CDK1: variants seen among roughly 807,000 people sequenced by gnomAD.
CDK1 encodes the protein cyclin dependent kinase 1.
A neutral mutation model predicts 34.6 loss-of-function variants in CDK1; 5 were observed. The ratio of observed to expected loss-of-function variants is 0.14; its 90% CI spans 0.08 to 0.30. CDK1 has a LOEUF of 0.30. CDK1 is among the 10% of genes least tolerant of loss of function. The pLI, the probability that CDK1 is intolerant of heterozygous loss-of-function variation, is 1.00. For synonymous variants in CDK1, 108 were observed against 114.7 expected (o/e 0.94, Z 0.37); for missense variants, 157 against 345.7 (o/e 0.45, Z 4.33).
At chr10:60,780,246 A>G (rs1225060389) in intron 2 of CDK1, 44 bp downstream of exon 2, 4 of 969,268 alleles carry the variant, frequency 4.1e-6, no homozygotes, top group South Asian at 1.3e-5. Context: ...TGATTTAACA[A>G]TGCTACAACT....
At chr10:60,786,503 T>C (rs1204142936) in intron 4 of CDK1, 1 of 322,056 alleles carries the variant, frequency 3.1e-6, no homozygotes. Flanking sequence ...AACTTGGTTA[T>C]TGTTGCTCTT....
chr10:60,790,083 T>G lies in CDK1; in HGVS notation c.490-1807T>G, dbSNP rs978249349. 3.9e-4 allele frequency among the ~76,000 whole-genome samples: 60 copies of G among 152,200 alleles called. 1 individual carries two copies. Among genetic ancestry groups the G allele is most frequent in the Non-Finnish European group, 1.5e-4 (10 of 68,032 alleles). On this transcript the variant is annotated intron_variant, in intron 5 of 7. Transcript: ENST00000395284. ...CAGATTGTTTGACCATTTTTAAAAT[T>G]GGATTCTTACTATTTTTTTTATTCT...
chr10:60,792,248 C>A lies in CDK1; in HGVS notation c.754C>A (p.His252Asn). ...ATGGAAACCAGGAAGCCTAGCATCC[C>A]ATGTCAAAAACTTGGATGAAAATGG... ...PKWKPGSLAS[H>N]VKNLDENGLD... The change falls in exon 7 of 8, where the codon CAT (histidine) becomes AAT (asparagine). Residue 252 changes from histidine (H) to asparagine (N), a missense_variant. His to Asn is a moderately conservative substitution (Grantham distance 68). Transcript: ENST00000395284. The A allele has an allele frequency of 6.2e-7, 1 of 1,611,772 alleles. No individual in the cohort carries two copies.
intron 2 of CDK1, among the ~76,000 whole-genome samples, chr10:60,781,509 A>G (rs3213034): frequency 2.0e-5 from 3 of 152,186 alleles, no homozygotes; most frequent in Admixed American, 2.0e-4. Context: ...ATTGAACAAT[A>G]TTATGGAAAG....
At chr10:60,788,956 C>G (rs1275886444) in intron 5 of CDK1, among the ~76,000 whole-genome samples, 2 of 151,948 alleles carry the variant, frequency 1.3e-5, no homozygotes, top group Non-Finnish European at 2.9e-5. Flanking sequence ...ATTTTGTTTT[C>G]TTTGTCTTAA....
intron 5 of CDK1, among the ~76,000 whole-genome samples, chr10:60,788,707 A>T (rs2080335308): frequency 1.3e-5 from 2 of 152,056 alleles, no homozygotes; most frequent in Admixed American, 1.3e-4. Flanking sequence ...AGGAATTGCT[A>T]ACTATAATTT....
chr10:60,780,781 A>G (rs2132061527), intron 2 of CDK1, among the ~76,000 whole-genome samples: 1 of 152,224 alleles, frequency 6.6e-6, no homozygotes, highest in East Asian at 1.9e-4. Context: ...AGATCTATAT[A>G]TGGCACAAAT....
chr10:60,779,214 A>G (rs915860606), intron 1 of CDK1, among the ~76,000 whole-genome samples: 3 of 152,050 alleles, frequency 2.0e-5, no homozygotes, highest in Non-Finnish European at 4.4e-5. Flanking sequence ...TTCTGGATTG[A>G]TTTTTCTTTG....
chr10:60,791,771 A>G (rs1460130020), intron 5 of CDK1, 119 bp from the exon 6 acceptor site: 3 of 542,860 alleles, frequency 5.5e-6, no homozygotes, highest in Non-Finnish European at 9.7e-6. Context: ...GACTTAAACA[A>G]TATTATTGGT....
chr10:60,778,516 A>T lies in CDK1; in HGVS notation c.-80A>T, dbSNP rs939160568. 2 of 152,482 alleles carry T rather than the reference A, an allele frequency of 1.3e-5. No homozygotes were observed. Among genetic ancestry groups the T allele is most frequent in the Non-Finnish European group, 2.9e-5 (2 of 68,256 alleles). The allele number at this position is 152,482 out of a possible 1,614,324, so 9.4% of individuals were successfully genotyped here. ...AAGCTGGCTCTTGGAAATTGAGCGG[A>T]GAGCGACGCGGTTGTTGTAGCTGCC... On this transcript the variant is annotated 5_prime_UTR_variant, in exon 1 of 8. Transcript: ENST00000395284.
At chr10:60,793,317 T>C (rs2080374212) in intron 7 of CDK1, among the ~76,000 whole-genome samples, 1 of 152,134 alleles carries the variant, frequency 6.6e-6, no homozygotes, top group Non-Finnish European at 1.5e-5. Flanking sequence ...TTAGTATTTC[T>C]TAAAGATCAA....
intron 3 of CDK1, among the ~76,000 whole-genome samples, chr10:60,785,414 C>T (rs1044312994): frequency 1.3e-5 from 2 of 152,094 alleles, no homozygotes; most frequent in African/African-American, 4.8e-5. Flanking sequence ...CAATTAGTAG[C>T]CAACCTAGAT....
chr10:60,788,352 T>C, intron 5 of CDK1, 122 bp downstream of exon 5: 2 of 622,904 alleles, frequency 3.2e-6, no homozygotes, highest in East Asian at 6.2e-5. Flanking sequence ...AGTATCAATT[T>C]ATTGCCTCTC....
chr10:60,780,111 G>A (rs1221578945), intron 1 of CDK1, 30 bp from the exon 2 acceptor site: 2 of 1,049,150 alleles, frequency 1.9e-6, no homozygotes, highest in Non-Finnish European at 3.0e-6. Flanking sequence ...TTAGTGGCAT[G>A]TAATTAAGTC....
intron 5 of CDK1, among the ~76,000 whole-genome samples, chr10:60,791,431 G>T (rs1327448594): frequency 6.6e-6 from 1 of 152,036 alleles, no homozygotes; most frequent in African/African-American, 2.4e-5. Context: ...CTATATATAA[G>T]ATCATCTCTG....
chr10:60,790,357 C>T (rs2132073871), intron 5 of CDK1, among the ~76,000 whole-genome samples: 1 of 152,256 alleles, frequency 6.6e-6, no homozygotes, highest in Non-Finnish European at 1.5e-5. Flanking sequence ...GATCCTTCCA[C>T]GTCAGCCTCC....
intron 4 of CDK1, chr10:60,786,930 A>G (rs770932351): frequency 2.0e-6 from 2 of 983,816 alleles, no homozygotes; most frequent in Non-Finnish European, 2.4e-6. Flanking sequence ...GATCGAATGT[A>G]TTAGAATAAT....
At chr10:60,780,072 T>C (rs778744642) in intron 1 of CDK1, 69 bp from the exon 2 acceptor site, 1 of 756,600 alleles carries the variant, frequency 1.3e-6, no homozygotes, top group Non-Finnish European at 2.4e-6. Flanking sequence ...TTACATATAG[T>C]GTTTCATTAA....
chr10:60,792,411 CA>C, intron 7 of CDK1, 122 bp downstream of exon 7: 1 of 815,928 alleles, frequency 1.2e-6, no homozygotes, highest in Non-Finnish European at 1.9e-6. Context: ...CTGTTATGTA[CA>C]TTGTATTATA....
Sources: allele counts gnomAD v4.1 joint callset (sites outside exome capture counted in the v4.1 genomes callset), GRCh38; gene constraint gnomAD v4.1.1; transcripts MANE v1.5; gene names NCBI Gene and HGNC (gene_info 2026-07-23, HGNC 2026-07-21).